GLIS3: variants seen among roughly 807,000 people sequenced by gnomAD.
GLIS3 encodes zinc finger protein GLIS3.
In GLIS3, 53 loss-of-function variants were observed where a neutral mutation model predicts 78.6. The ratio of observed to expected loss-of-function variants is 0.67; its 90% CI spans 0.54 to 0.85. The LOEUF is 0.85. GLIS3 is among the 40% of genes least tolerant of loss of function. The pLI, the probability that GLIS3 is intolerant of heterozygous loss-of-function variation, is 0.00. For synonymous variants in GLIS3, 684 were observed against 509.9 expected (o/e 1.34, Z -4.60); for missense variants, 1,703 against 1,231.1 (o/e 1.38, Z -5.74).
chr9:4,015,534 T>TCCCATCCC (rs1822360805), intron 4 of GLIS3, among the ~76,000 whole-genome samples: 1 of 152,144 alleles, frequency 6.6e-6, no homozygotes, highest in African/African-American at 2.4e-5. Context: ...TCTCCCATCC[T>TCCCATCCC]CCCATCCCAA....
intron 8 of GLIS3, among the ~76,000 whole-genome samples, chr9:3,858,964 A>ATATT (rs1195234761): frequency 1.3e-5 from 2 of 152,236 alleles, no homozygotes; most frequent in Non-Finnish European, 2.9e-5. Flanking sequence ...TTGAAATTTA[A>ATATT]TATTTATAAA....
chr9:4,216,192 G>A (rs759293883), intron 2 of GLIS3, among the ~76,000 whole-genome samples: 2 of 151,856 alleles, frequency 1.3e-5, no homozygotes, highest in African/African-American at 4.8e-5. Flanking sequence ...GTGGGTTGAG[G>A]CCAGGCACGG....
rs1454607471 is a variant in GLIS3, at chr9:4,125,887, T to A, written c.443A>T (p.Asn148Ile). The A allele has an allele frequency of 6.2e-7, 1 of 1,613,968 alleles. No individual in the cohort carries two copies. The highest frequency in any genetic ancestry group is 1.1e-5 in the South Asian group (1 of 91,064). ...CKSIGKGSCN[N>I]LVVTSSPMMV... ...CATGGGACTGCTGGTGACCACTAGATTGTTGCAGCTGCCTTTTCCAATGGA... is the reference window on the plus strand; with the variant it reads ...CATGGGACTGCTGGTGACCACTAGAATGTTGCAGCTGCCTTTTCCAATGGA... Residue 148 changes from asparagine (N) to isoleucine (I), a missense_variant, in exon 3 of 11, where the codon AAT becomes ATT. Physicochemically the swap from Asn to Ile is moderately radical, Grantham distance 149. Transcript: ENST00000381971.
the GLIS3 span, among the ~76,000 whole-genome samples, chr9:4,373,390 A>G: frequency 6.6e-6 from 1 of 152,162 alleles, no homozygotes; most frequent in Non-Finnish European, 1.5e-5. Context: ...AGAATCTGGG[A>G]GTAGTAGGGG....
At chr9:4,195,708 C>A (rs536973988) in intron 2 of GLIS3, among the ~76,000 whole-genome samples, 1 of 152,272 alleles carries the variant, frequency 6.6e-6, no homozygotes, top group African/African-American at 2.4e-5. Context: ...GGCCACAGCG[C>A]GGGATCCACT....
At chr9:4,489,395 T>C in the GLIS3 span, among the ~76,000 whole-genome samples, 2 of 152,076 alleles carry the variant, frequency 1.3e-5, no homozygotes, top group African/African-American at 2.4e-5. Flanking sequence ...GAAAATCTAG[T>C]AGGGGAAATT....
At chr9:4,113,751 G>C (rs1054995037) in intron 4 of GLIS3, among the ~76,000 whole-genome samples, 2 of 152,160 alleles carry the variant, frequency 1.3e-5, no homozygotes, top group African/African-American at 4.8e-5. Flanking sequence ...TGGGGACATG[G>C]TCCCAGCTCT....
At chr9:4,182,015 C>T (rs753507043) in intron 2 of GLIS3, among the ~76,000 whole-genome samples, 11 of 152,232 alleles carry the variant, frequency 7.2e-5, no homozygotes, top group Non-Finnish European at 1.3e-4. Flanking sequence ...CAGTAGACAA[C>T]TGATAAAGCA....
upstream of GLIS3, among the ~76,000 whole-genome samples, chr9:4,300,424 T>G (rs1431411255): frequency 6.6e-6 from 1 of 152,162 alleles, no homozygotes; most frequent in African/African-American, 2.4e-5. Context: ...AAAAATCCGG[T>G]AGTAATACGG....
the GLIS3 span, among the ~76,000 whole-genome samples, chr9:4,429,319 C>G: frequency 6.6e-6 from 1 of 151,864 alleles, no homozygotes; most frequent in Admixed American, 6.6e-5. Context: ...CAGCCTCATG[C>G]CCCCAACTCT....
intron 6 of GLIS3, among the ~76,000 whole-genome samples, chr9:3,907,740 G>C (rs1823822838): frequency 6.6e-6 from 1 of 152,134 alleles, no homozygotes; most frequent in Non-Finnish European, 1.5e-5. Flanking sequence ...GGGCTAGGCT[G>C]AGACTACCTG....
chr9:4,384,490 TTC>T, the GLIS3 span, among the ~76,000 whole-genome samples: 19 of 151,460 alleles, frequency 1.3e-4, no homozygotes, highest in South Asian at 4.2e-4. Context: ...TTCTCTTTCT[TTC>T]TCTCTCTTTC....
chr9:4,204,087 T>A (rs946582917), intron 2 of GLIS3, among the ~76,000 whole-genome samples: 5 of 152,308 alleles, frequency 3.3e-5, no homozygotes, highest in Non-Finnish European at 4.4e-5. Context: ...CCTCTGAATC[T>A]AATATAAAAG....
intron 6 of GLIS3, among the ~76,000 whole-genome samples, chr9:3,924,781 AT>A (rs1366887400): frequency 3.7e-4 from 56 of 152,322 alleles, no homozygotes; most frequent in African/African-American, 1.2e-3. Flanking sequence ...GTGTTATGAG[AT>A]TTTAGGACAC....
intron 2 of GLIS3, among the ~76,000 whole-genome samples, chr9:4,278,897 C>CA (rs967274462): frequency 3.9e-5 from 6 of 152,222 alleles, no homozygotes; most frequent in Non-Finnish European, 5.9e-5. Flanking sequence ...GTGTGGTACA[C>CA]AAATCACCTT....
At position 4,242,582 on chromosome 9, in the gene GLIS3, C is replaced by T. The variant is rs114801193; in HGVS notation, c.388+43456G>A. Among the ~76,000 whole-genome samples, 1,261 of 152,194 alleles carry T rather than the reference C, an allele frequency of 8.3e-3. 17 individuals carry two copies. Among genetic ancestry groups the T allele is most frequent in the African/African-American group, 0.029 (1,215 of 41,516 alleles). ...TTGTCTCACAACAGGCTCCCCATAC[C>T]CAGTGGGTTCTAAGATTTAAAAGGT... On this transcript the variant is annotated intron_variant, in intron 2 of 10. Coordinates refer to ENST00000381971, the MANE Select transcript of GLIS3 (RefSeq NM_001042413.2).
the GLIS3 span, among the ~76,000 whole-genome samples, chr9:4,356,224 G>C: frequency 6.6e-6 from 1 of 152,144 alleles, no homozygotes; most frequent in Admixed American, 6.5e-5. Flanking sequence ...AGTCGCTATT[G>C]TATTCACACT....
Position 4,117,968 on chromosome 9 carries a change from A to T in GLIS3, c.1510T>A (p.Trp504Arg). The change falls in exon 4 of 11, where the codon TGG becomes AGG. Residue 504 changes from tryptophan (W) to arginine (R), a missense_variant. By Grantham distance (101) the Trp-to-Arg change is moderately radical. Coordinates refer to ENST00000381971, the MANE Select transcript of GLIS3 (RefSeq NM_001042413.2). ...DGIGGKHCCR[W>R]IDCSALYDQQ... ...TCGTACAGGGCGCTGCAGTCGATCCAGCGGCAGCAATGCTTGCCCCCGATG... is the reference window on the plus strand; with the variant it reads ...TCGTACAGGGCGCTGCAGTCGATCCTGCGGCAGCAATGCTTGCCCCCGATG... The T allele has an allele frequency of 6.2e-7, 1 of 1,613,688 alleles. No homozygotes were observed. Among genetic ancestry groups the T allele is most frequent in the Non-Finnish European group, 8.5e-7 (1 of 1,179,952 alleles).
At chr9:4,205,571 GCT>G (rs1217504508) in intron 2 of GLIS3, among the ~76,000 whole-genome samples, 1 of 152,228 alleles carries the variant, frequency 6.6e-6, no homozygotes, top group African/African-American at 2.4e-5. Context: ...AGAGGTGGGG[GCT>G]TGGAAGGTGA....
Sources: allele counts gnomAD v4.1 joint callset (sites outside exome capture counted in the v4.1 genomes callset), GRCh38; gene constraint gnomAD v4.1.1; transcripts MANE v1.5; gene names NCBI Gene and HGNC (gene_info 2026-07-23, HGNC 2026-07-21).